The following GTF3A variants were observed in gnomAD, a reference collection of about 807,000 sequenced individuals.
The protein encoded by GTF3A is transcription factor IIIA.
GTF3A carries 40 observed loss-of-function variants against 37.6 expected under a neutral mutation model. That is an observed-to-expected ratio of 1.06 (90% CI 0.83 to 1.38). The LOEUF (loss-of-function observed/expected upper bound fraction) is 1.38, where lower values mean the gene tolerates loss of function less well. Ranked by LOEUF, GTF3A falls within the 40% of genes most tolerant of loss-of-function variation. GTF3A has a pLI of 0.00. For missense variants in GTF3A, 500 were observed against 462.6 expected (o/e 1.08, Z -0.74); for synonymous variants, 191 against 166.7 (o/e 1.15, Z -1.12).
chr13:27,435,821 G>C lies in GTF3A; in HGVS notation c.*224G>C. ...ACACACATTAAAGCTTTTCCTCCTT[G>C]AACAGCTTGTGGCCTAGATGAGAAT... On this transcript the variant is annotated 3_prime_UTR_variant, in exon 9 of 9. Coordinates refer to ENST00000381140, the MANE Select transcript of GTF3A (RefSeq NM_002097.3). The C allele has an allele frequency of 2.5e-6, 4 of 1,613,942 alleles. No homozygotes were observed. Among genetic ancestry groups the C allele is most frequent in the Non-Finnish European group, 3.4e-6 (4 of 1,179,998 alleles).
intron 5 of GTF3A, among the ~76,000 whole-genome samples, chr13:27,433,267 T>A (rs958409851): frequency 6.6e-6 from 1 of 151,458 alleles, no homozygotes; most frequent in Non-Finnish European, 1.5e-5. Flanking sequence ...ATCTGTTTCC[T>A]TGAGGGATTT....
At chr13:27,427,763 A>C (rs543122189) in intron 2 of GTF3A, among the ~76,000 whole-genome samples, 2 of 152,020 alleles carry the variant, frequency 1.3e-5, no homozygotes, top group Non-Finnish European at 2.9e-5. Flanking sequence ...TAAAAGTTAC[A>C]TAACAAAACT....
chr13:27,435,362 T>G, intron 8 of GTF3A, 71 bp from the exon 9 acceptor site: 1 of 1,467,110 alleles, frequency 6.8e-7, no homozygotes, highest in Admixed American at 1.9e-5. Context: ...CTGGTACATA[T>G]GACTATCGTA....
intron 7 of GTF3A, 33 bp from the exon 8 acceptor site, chr13:27,435,100 A>G (rs375060300): frequency 4.4e-6 from 7 of 1,581,594 alleles, no homozygotes; most frequent in African/African-American, 2.7e-5. Flanking sequence ...TTTCATATTA[A>G]TATTTCATTA....
At chr13:27,425,141 G>A (rs1359240462) in intron 1 of GTF3A, 1 of 525,250 alleles carries the variant, frequency 1.9e-6, no homozygotes, top group East Asian at 3.4e-5. Context: ...GCAGGGGCTC[G>A]GGATTTACTA....
At chr13:27,435,359 A>G (rs1953703437) in intron 8 of GTF3A, 74 bp from the exon 9 acceptor site, 4 of 1,450,874 alleles carry the variant, frequency 2.8e-6, no homozygotes, top group South Asian at 1.2e-5. Flanking sequence ...CTGCTGGTAC[A>G]TATGACTATC....
chr13:27,424,944 G>A lies in GTF3A; in HGVS notation c.201+6G>A, dbSNP rs1411456060. On this transcript the variant is annotated splice_donor_region_variant and intron_variant, in intron 1 of 8. Coordinates refer to ENST00000381140, the MANE Select transcript of GTF3A (RefSeq NM_002097.3). ...TGTGCAAGCACACGGGGGAGGTGAG[G>A]GGGGCGAGGCTGCCAACCCTGGGCC... 7.8e-6 allele frequency: 12 copies of A among 1,542,670 alleles called. No individual in the cohort carries two copies. Among genetic ancestry groups the A allele is most frequent in the Non-Finnish European group, 2.6e-6 (3 of 1,142,992 alleles).
At chr13:27,434,065 A>T in intron 5 of GTF3A, 74 bp from the exon 6 acceptor site, 1 of 738,306 alleles carries the variant, frequency 1.4e-6, no homozygotes, top group South Asian at 1.5e-5. Flanking sequence ...ATAGGCACCT[A>T]AGTTTCCTTT....
chr13:27,432,587 G>C lies in GTF3A; in HGVS notation c.489-144G>C, dbSNP rs187996710. ...TGGTCAAGTAACTTGAATCTCACCT[G>C]TGATGAGAGCTACATTTTAACATGG... On this transcript the variant is annotated intron_variant, in intron 4 of 8. Transcript: ENST00000381140. 2.9e-4 allele frequency: 197 copies of C among 669,570 alleles called. No homozygotes were observed. The African/African-American group carries it at 3.2e-3, about 11-fold the overall frequency. The allele number at this position is 669,570 out of a possible 1,614,324, so 41.5% of individuals were successfully genotyped here. A position where few individuals can be genotyped will look rare whatever the true frequency, so the allele number is the denominator to read the frequency against.
In GTF3A at chr13:27,427,133, C is replaced by T; in HGVS notation, c.243C>T (p.Phe81=). ...ACTATGAAGGGTGTGGCAAGGCCTT[C>T]ATCAGGGACTACCATCTGAGCCGCC... Residue 81 remains phenylalanine, a synonymous_variant, in exon 2 of 9, where the codon TTC becomes TTT. Transcript: ENST00000381140. 15 of 1,607,736 alleles carry T rather than the reference C, an allele frequency of 9.3e-6. No homozygotes were observed. The highest frequency in any genetic ancestry group is 1.3e-5 in the Non-Finnish European group (15 of 1,174,640).
Position 27,424,753 on chromosome 13 carries a change from G to A in GTF3A, c.16G>A (p.Val6Met), listed in dbSNP as rs979374192. ...CGCCGGCGCCCTGGATCCGCCGGCC[G>A]TGGTCGCCGAGTCGGTGTCGTCCTT... is the stretch of plus-strand genomic sequence containing the variant. Residue 6 changes from valine to methionine, a missense_variant, in exon 1 of 9, where the codon GTG (valine) becomes ATG (methionine). Coordinates refer to ENST00000381140, the MANE Select transcript of GTF3A (RefSeq NM_002097.3). The A allele has an allele frequency of 4.7e-6, 7 of 1,478,270 alleles. No homozygotes were observed. Among genetic ancestry groups the A allele is most frequent in the Non-Finnish European group, 6.3e-6 (7 of 1,114,046 alleles). 91.6% of individuals were successfully genotyped at this position (1,478,270 alleles called of 1,614,324 possible).
Position 27,435,414 on chromosome 13 carries a change from G to A in GTF3A, c.934-19G>A. 1 of 1,606,714 alleles carries A rather than the reference G, an allele frequency of 6.2e-7. No homozygotes were observed. The highest frequency in any genetic ancestry group is 1.1e-5 in the South Asian group (1 of 90,250). On this transcript the variant is annotated intron_variant, in intron 8 of 8. Coordinates refer to ENST00000381140, the MANE Select transcript of GTF3A (RefSeq NM_002097.3). The stretch of plus-strand genomic sequence containing the variant: ...TTTTGATTTTGAATTCTAATCGTGT[G>A]TCTTCCTTATTCCCAAAGGTCAAAA...
Position 27,434,570 on chromosome 13 carries a change from C to T in GTF3A, c.644-235C>T, listed in dbSNP as rs955229321. On this transcript the variant is annotated intron_variant, in intron 6 of 8. Coordinates refer to ENST00000381140, the MANE Select transcript of GTF3A (RefSeq NM_002097.3). ...TTCTGTACCTCCCCACAGTCACCTT[C>T]CTGAGAGCCCTGCCTCTTGGCAAGT... 39 of 567,348 alleles carry T rather than the reference C, an allele frequency of 6.9e-5. No individual in the cohort carries two copies. The African/African-American group carries it at 6.9e-4, about 10-fold the overall frequency. The allele number at this position is 567,348 out of a possible 1,614,324, so 35.1% of individuals were successfully genotyped here. A position where few individuals can be genotyped will look rare whatever the true frequency, so the allele number is the denominator to read the frequency against.
chr13:27,434,857 T>TAAGCAACGACGG lies in GTF3A; in HGVS notation c.703_704insGACGGAAGCAAC (p.Gln234_His235insArgArgLysGln), dbSNP rs752400098. ...AAACATTTAAACGCAAAGATTACCT[T>TAAGCAACGACGG]AAGCAACACATGAAAACTCATGCCC... is the stretch of plus-strand genomic sequence containing the variant. On this transcript the variant is annotated inframe_insertion, in exon 7 of 9. Transcript: ENST00000381140. 26 of 1,613,452 alleles carry TAAGCAACGACGG rather than the reference T, an allele frequency of 1.6e-5. No individual in the cohort carries two copies. Among genetic ancestry groups the TAAGCAACGACGG allele is most frequent in the African/African-American group, 2.7e-5 (2 of 74,912 alleles).
chr13:27,426,357 T>G (rs542907784), intron 1 of GTF3A: 78 of 152,456 alleles, frequency 5.1e-4, no homozygotes, highest in African/African-American at 1.7e-3. Context: ...TAGCTCACTG[T>G]GTTCCTGTTT....
chr13:27,433,057 G>A (rs1399953814), intron 5 of GTF3A, among the ~76,000 whole-genome samples: 1 of 152,154 alleles, frequency 6.6e-6, no homozygotes, highest in East Asian at 1.9e-4. Flanking sequence ...ACTGACGAAT[G>A]TGCTGATGCT....
At chr13:27,433,510 CTT>C (rs1953676680) in intron 5 of GTF3A, among the ~76,000 whole-genome samples, 1 of 86,976 alleles carries the variant, frequency 1.1e-5, no homozygotes, top group East Asian at 3.0e-4. Context: ...TAGCTGTACT[CTT>C]TTAAAAAAAA....
chr13:27,427,039 C>G (rs1006612679), intron 1 of GTF3A, 53 bp from the exon 2 acceptor site: 19 of 902,048 alleles, frequency 2.1e-5, no homozygotes, highest in Admixed American at 1.8e-4. Context: ...TTAAATAATA[C>G]CAGAGTTACT....
rs781330098 is a variant in GTF3A, at chr13:27,434,797, C to T, written c.644-8C>T. The T allele has an allele frequency of 3.2e-6, 5 of 1,548,646 alleles. No individual in the cohort carries two copies. In the Admixed American group the frequency reaches 8.7e-5, roughly 27 times the overall value. On this transcript the variant is annotated splice_region_variant and splice_polypyrimidine_tract_variant and intron_variant, in intron 6 of 8. Transcript: ENST00000381140. ...AAATTTGTGAAATTTGTCTGTCTGT[C>T]CCACCAGAGGAAATACTATGTGAAG... is the stretch of plus-strand genomic sequence containing the variant.
Sources: allele counts gnomAD v4.1 joint callset (sites outside exome capture counted in the v4.1 genomes callset), GRCh38; gene constraint gnomAD v4.1.1; transcripts MANE v1.5; gene names NCBI Gene and HGNC (gene_info 2026-07-23, HGNC 2026-07-21).